The following SDHA variants were observed in gnomAD, a reference collection of about 807,000 sequenced individuals.
SDHA encodes succinate dehydrogenase [ubiquinone] flavoprotein subunit, mitochondrial.
A neutral mutation model predicts 78.4 loss-of-function variants in SDHA; 48 were observed. The observed-to-expected ratio is 0.61, with a 90% CI of 0.49 to 0.78. The LOEUF (loss-of-function observed/expected upper bound fraction) is 0.78, where lower values mean the gene tolerates loss of function less well. Among genes scored for constraint, SDHA ranks in the 30% least tolerant of loss-of-function variants. The probability of loss-of-function intolerance (pLI) is 0.00; values close to 1 mark genes in which losing one functional copy is unlikely to be tolerated. For synonymous variants in SDHA, 326 were observed against 353.9 expected, an observed-to-expected ratio of 0.92 and a Z score of 0.88; for missense variants, 680 against 892.7, an observed-to-expected ratio of 0.76 and a Z score of 3.04.
At position 237,619 on chromosome 5, in the gene SDHA, G is replaced by GT. The variant is rs1456000526; in HGVS notation, c.1432+1021dup. Among the ~76,000 whole-genome samples, 4 of 134,052 alleles carry GT rather than the reference G, an allele frequency of 3.0e-5. No individual in the cohort carries two copies. The South Asian group carries it at 6.5e-4, about 22-fold the overall frequency. The allele number at this position is 134,052 out of a possible 152,430, so 87.9% of individuals were successfully genotyped here. A position where few individuals can be genotyped will look rare whatever the true frequency, so the allele number is the denominator to read the frequency against. ...GGTGGATGTTTGCGTGGCAAGGATG[G>GT]TGGGACCCCAGGCCCATGTTCTTCC... On this transcript the variant is annotated intron_variant, in intron 10 of 14. Coordinates refer to ENST00000264932, the MANE Select transcript of SDHA (RefSeq NM_004168.4).
intron 6 of SDHA, 21 bp from the exon 7 acceptor site, chr5:230,853 TCA>T (rs1271076422): frequency 6.8e-6 from 11 of 1,613,258 alleles, no homozygotes; most frequent in Non-Finnish European, 8.5e-6. Context: ...CTGTGTGCAG[TCA>T]CTGCTCTCTA....
intron 11 of SDHA, among the ~76,000 whole-genome samples, chr5:243,767 G>C (rs1327092876): frequency 1.3e-5 from 2 of 152,194 alleles, no homozygotes; most frequent in Non-Finnish European, 2.9e-5. Flanking sequence ...TGACCTATCA[G>C]AGGGAAAGCA....
rs1186612365 is a variant in SDHA, at chr5:226,144, G to T, written c.621+97G>T. 8 of 1,400,314 alleles carry T rather than the reference G, an allele frequency of 5.7e-6. No individual in the cohort carries two copies. The East Asian group carries it at 1.9e-4, about 33-fold the overall frequency. The allele number at this position is 1,400,314 out of a possible 1,614,324, so 86.7% of individuals were successfully genotyped here. ...TAGCGTGCCCAGTGAGTCAGCCAGA[G>T]ATTACGTAAAAAGCAACAGAGAACA... On this transcript the variant is annotated intron_variant, in intron 5 of 14. Coordinates refer to ENST00000264932, the MANE Select transcript of SDHA (RefSeq NM_004168.4).
rs766757653 is a variant in SDHA at position 251,015 on chromosome 5, G to A, written c.1575G>A (p.Val525=). ...AGTCAATGCAAAATCATGCTGCCGT[G>A]TTCCGTGTGGGAAGCGTGTTGCAAG... ...MQKSMQNHAA[V]FRVGSVLQEG... Residue 525 remains valine, a synonymous_variant, in exon 12 of 15, where the codon GTG becomes GTA. Coordinates refer to ENST00000264932, the MANE Select transcript of SDHA (RefSeq NM_004168.4). 6.2e-7 allele frequency: 1 copy of A among 1,611,894 alleles called. No homozygotes were observed. The highest frequency in any genetic ancestry group is 8.5e-7 in the Non-Finnish European group (1 of 1,179,850).
rs2126589848 is a variant in SDHA at position 236,494 on chromosome 5, T to G, written c.1327T>G (p.Cys443Gly). The G allele has an allele frequency of 6.2e-7, 1 of 1,613,974 alleles. No individual in the cohort carries two copies. The highest frequency in any genetic ancestry group is 2.2e-5 in the East Asian group (1 of 44,888). Reference sequence around the variant, plus strand: ...CCTGTACGCCTGTGGGGAGGCCGCCTGTGCCTCGGTACATGGTGCCAACCG... The same window carrying G: ...CCTGTACGCCTGTGGGGAGGCCGCCGGTGCCTCGGTACATGGTGCCAACCG... ...PGLYACGEAA[C>G]ASVHGANRLG... Residue 443 changes from cysteine to glycine, a missense_variant, in exon 10 of 15, where the codon TGT becomes GGT. Physicochemically the swap from Cys to Gly is radical, Grantham distance 159. Coordinates refer to ENST00000264932, the MANE Select transcript of SDHA (RefSeq NM_004168.4).
At chr5:223,619 G>A (rs750709020) in intron 2 of SDHA, 51 bp downstream of exon 2, 5 of 1,411,946 alleles carry the variant, frequency 3.5e-6, no homozygotes, top group African/African-American at 2.8e-5. Flanking sequence ...GGCTTAGGGG[G>A]TAAGGATCTA....
chr5:251,203 G>C, intron 12 of SDHA, 100 bp downstream of exon 12: 1 of 1,485,214 alleles, frequency 6.7e-7, no homozygotes, highest in Non-Finnish European at 9.4e-7. Flanking sequence ...CGTGCTTGCT[G>C]TCTGGATGGG....
chr5:230,788 G>A, intron 6 of SDHA, 88 bp from the exon 7 acceptor site: 7 of 1,564,044 alleles, frequency 4.5e-6, no homozygotes, highest in Non-Finnish European at 6.2e-6. Flanking sequence ...ACGGTGCTGG[G>A]GGCTGCCGTG....
chr5:224,390 G>C lies in SDHA; in HGVS notation c.181G>C (p.Glu61Gln). 6.2e-7 allele frequency: 1 copy of C among 1,613,648 alleles called. No homozygotes were observed. Among genetic ancestry groups the C allele is most frequent in the South Asian group, 1.1e-5 (1 of 91,052 alleles). The stretch of plus-strand genomic sequence containing the variant: ...TGCTCAGTATCCAGTAGTGGATCAT[G>C]AATTTGATGCAGTGGTGGTAGGCGC... ...ISAQYPVVDH[E>Q]FDAVVVGAGG... The change falls in exon 3 of 15, where the codon GAA becomes CAA. Residue 61 changes from glutamate to glutamine, a missense_variant. Transcript: ENST00000264932.
At chr5:255,418 C>G (rs970421979) in intron 14 of SDHA, among the ~76,000 whole-genome samples, 1 of 151,602 alleles carries the variant, frequency 6.6e-6, no homozygotes, top group Non-Finnish European at 1.5e-5. Context: ...TCGCTTAGCA[C>G]AAGTCTATTT....
intron 10 of SDHA, among the ~76,000 whole-genome samples, chr5:237,948 G>T (rs1298133275): frequency 7.3e-6 from 1 of 136,194 alleles, no homozygotes; most frequent in Non-Finnish European, 1.5e-5. Flanking sequence ...GACGCCGCAG[G>T]TAGTGCTTGT....
At chr5:234,819 C>G (rs1032053350) in intron 8 of SDHA, 16 of 385,602 alleles carry the variant, frequency 4.1e-5, no homozygotes, top group South Asian at 3.7e-4. Context: ...GCCACGGATA[C>G]GCAGGGACGA....
rs200397144 is a variant in SDHA, at chr5:251,427, C to T, written c.1753C>T (p.Arg585Trp). The T allele has an allele frequency of 1.5e-5, 24 of 1,613,808 alleles. No homozygotes were observed. The highest frequency in any genetic ancestry group is 4.5e-5 in the East Asian group (2 of 44,900). Residue 585 changes from arginine (R) to tryptophan (W), a missense_variant, in exon 13 of 15, where the codon CGG (arginine) becomes TGG (tryptophan). Transcript: ENST00000264932. The stretch of plus-strand genomic sequence containing the variant: ...GCAGACCATCTACGGAGCAGAGGCA[C>T]GGAAGGAGTCACGGGGCGCGCATGC... ...ALQTIYGAEA[R>W]KESRGAHARE...
rs758817818 is a variant in SDHA at position 235,154 on chromosome 5, C to T, written c.1075C>T (p.Pro359Ser). The change falls in exon 9 of 15, where the codon CCT (proline) becomes TCT (serine). Residue 359 changes from proline (P) to serine (S), a missense_variant. Physicochemically the swap from Pro to Ser is moderately conservative, Grantham distance 74. Coordinates refer to ENST00000264932, the MANE Select transcript of SDHA (RefSeq NM_004168.4). ...GTTCTGTCTTACCAGAGGCTGTGGCCCTGAGAAAGATCACGTCTACCTGCA... is the reference window on the plus strand; with the variant it reads ...GTTCTGTCTTACCAGAGGCTGTGGCTCTGAGAAAGATCACGTCTACCTGCA... ...LEIREGRGCG[P>S]EKDHVYLQLH... is the part of the protein sequence containing the mutation. 6 of 1,613,972 alleles carry T rather than the reference C, an allele frequency of 3.7e-6. No homozygotes were observed. In the South Asian group the frequency reaches 6.6e-5, roughly 18 times the overall value.
At chr5:226,259 G>A (rs1257133745) in intron 5 of SDHA, among the ~76,000 whole-genome samples, 1 of 152,172 alleles carries the variant, frequency 6.6e-6, no homozygotes, top group African/African-American at 2.4e-5. Context: ...GTGACTTCTT[G>A]CATCTATGTC....
intron 10 of SDHA, among the ~76,000 whole-genome samples, chr5:239,290 C>T (rs1221323331): frequency 2.2e-5 from 3 of 138,848 alleles, no homozygotes; most frequent in African/African-American, 6.6e-5. Context: ...CTTGGCTGTG[C>T]GCAGTGGCTC....
At chr5:238,988 G>A (rs1735958204) in intron 10 of SDHA, among the ~76,000 whole-genome samples, 1 of 151,572 alleles carries the variant, frequency 6.6e-6, no homozygotes, top group Non-Finnish European at 1.5e-5. Flanking sequence ...GTAAATTGTA[G>A]AACTGTCCAC....
intron 11 of SDHA, among the ~76,000 whole-genome samples, chr5:247,882 C>T (rs1736561396): frequency 6.6e-6 from 1 of 152,228 alleles, no homozygotes; most frequent in African/African-American, 2.4e-5. Flanking sequence ...CCTTATAATT[C>T]TCAAGGACAA....
In SDHA at chr5:251,435, G is replaced by T; in HGVS notation, c.1761G>T (p.Glu587Asp). The T allele has an allele frequency of 6.2e-7, 1 of 1,614,008 alleles. No homozygotes were observed. Among genetic ancestry groups the T allele is most frequent in the South Asian group, 1.1e-5 (1 of 91,076 alleles). Reference sequence around the variant, plus strand: ...TCTACGGAGCAGAGGCACGGAAGGAGTCACGGGGCGCGCATGCCAGGGAAG... The same window carrying T: ...TCTACGGAGCAGAGGCACGGAAGGATTCACGGGGCGCGCATGCCAGGGAAG... ...QTIYGAEARK[E>D]SRGAHAREDY... is the part of the protein sequence containing the mutation. The change falls in exon 13 of 15, where the codon GAG becomes GAT. Residue 587 changes from glutamate to aspartate, a missense_variant. By Grantham distance (45) the Glu-to-Asp change is conservative (BLOSUM62 2). Coordinates refer to ENST00000264932, the MANE Select transcript of SDHA (RefSeq NM_004168.4).
Sources: gnomAD v4.1 joint callset for allele counts (sites outside exome capture counted in the v4.1 genomes callset) on GRCh38, gnomAD v4.1.1 for gene constraint, MANE v1.5 for transcripts, NCBI Gene and HGNC (gene_info 2026-07-23, HGNC 2026-07-21) for gene names.